The following ATP8B2 variants were observed in gnomAD, a reference collection of about 807,000 sequenced individuals.
The protein encoded by ATP8B2 is phospholipid-transporting ATPase ID.
Under a neutral mutation model 133.4 loss-of-function variants are expected in ATP8B2, and 70 were observed. The ratio of observed to expected loss-of-function variants is 0.52; its 90% CI spans 0.43 to 0.64. The LOEUF is 0.64. Ranked by LOEUF, ATP8B2 falls within the 30% of genes least tolerant of loss-of-function variation. The pLI is 0.00. For missense variants in ATP8B2, 1,101 were observed against 1,535.7 expected, an observed-to-expected ratio of 0.72 and a Z score of 4.73; for synonymous variants, 517 against 589.5, an observed-to-expected ratio of 0.88 and a Z score of 1.78.
intron 26 of ATP8B2, among the ~76,000 whole-genome samples, chr1:154,347,550 G>A (rs1004696875): frequency 6.6e-6 from 1 of 152,134 alleles, no homozygotes; most frequent in African/African-American, 2.4e-5. Context: ...GGCAAGGGTG[G>A]AAATGGGAGA....
At position 154,346,676 on chromosome 1, in the gene ATP8B2, C is replaced by G. The variant is rs1686595669; in HGVS notation, c.3081C>G (p.Ser1027Arg). 3 of 1,614,186 alleles carry G rather than the reference C, an allele frequency of 1.9e-6. No homozygotes were observed. The highest frequency in any genetic ancestry group is 2.5e-6 in the Non-Finnish European group (3 of 1,180,030). Reference protein sequence around the residue: ...TAINHFFIWGSLAVYFAILFA... With the variant: ...TAINHFFIWGRLAVYFAILFA... The stretch of plus-strand genomic sequence containing the variant: ...TCAACCACTTCTTCATCTGGGGAAG[C>G]CTTGCTGTTTACTTTGCCATCCTCT... Residue 1027 changes from serine (S) to arginine (R), a missense_variant, in exon 26 of 28, where the codon AGC becomes AGG. Transcript: ENST00000368489. The surrounding 1 kb of genome is among the most constrained non-coding windows in gnomAD (Gnocchi z 4.5).
At chr1:154,341,345 T>A in intron 13 of ATP8B2, 1 of 456,216 alleles carries the variant, frequency 2.2e-6, no homozygotes, top group Non-Finnish European at 4.1e-6. Flanking sequence ...ATTAGCCAGG[T>A]ATGGTGGCAT....
At chr1:154,337,313 T>C (rs780815950) in intron 11 of ATP8B2, 35 bp from the exon 12 acceptor site, 5 of 1,588,366 alleles carry the variant, frequency 3.1e-6, no homozygotes, top group Non-Finnish European at 4.3e-6. Flanking sequence ...GCTTCCTACA[T>C]GTCAGCCTCG....
intron 1 of ATP8B2, chr1:154,327,764 C>T: frequency 6.3e-7 from 1 of 1,596,630 alleles, no homozygotes; most frequent in Non-Finnish European, 8.6e-7. Context: ...CTACTCATTG[C>T]CGCCAGAACA....
intron 1 of ATP8B2, chr1:154,327,738 C>T (rs1302103828): frequency 1.3e-6 from 2 of 1,531,742 alleles, no homozygotes; most frequent in African/African-American, 2.7e-5. Flanking sequence ...AAACTGCTTT[C>T]TAGTAAGCAC....
chr1:154,330,335 A>G (rs910568007), intron 2 of ATP8B2, 61 bp from the exon 3 acceptor site: 1 of 1,479,770 alleles, frequency 6.8e-7, no homozygotes, highest in South Asian at 1.1e-5. Context: ...GGAACCCCCC[A>G]GCAAAGTGTT....
In ATP8B2 at chr1:154,340,984, ATCT is replaced by A; in HGVS notation, c.1169_1171del (p.Phe390del). The A allele has an allele frequency of 6.2e-7, 1 of 1,614,194 alleles. No homozygotes were observed. Among genetic ancestry groups the A allele is most frequent in the Non-Finnish European group, 8.5e-7 (1 of 1,180,040 alleles). On this transcript the variant is annotated inframe_deletion, in exon 13 of 28. Coordinates refer to ENST00000368489, the MANE Select transcript of ATP8B2 (RefSeq NM_001370597.1). The surrounding 1 kb of genome is among the most constrained non-coding windows in gnomAD (Gnocchi z 4.0). ...CGAGGAGCTGGGCCAGGTGGAGTAC[ATCT>A]TCTCCGACAAGACGGGCACCCTCAC... is the stretch of plus-strand genomic sequence containing the variant.
At chr1:154,335,677 C>A (rs979641152) in intron 11 of ATP8B2, among the ~76,000 whole-genome samples, 2 of 150,716 alleles carry the variant, frequency 1.3e-5, no homozygotes, top group African/African-American at 4.9e-5. Flanking sequence ...GGCAACAAAG[C>A]AAGACCCTGT....
At chr1:154,336,730 C>G (rs1241662615) in intron 11 of ATP8B2, among the ~76,000 whole-genome samples, 2 of 151,302 alleles carry the variant, frequency 1.3e-5, no homozygotes, top group Non-Finnish European at 2.9e-5. Flanking sequence ...CTCCTGACCT[C>G]ATGATCTGCC....
chr1:154,326,322 T>A (rs1685788580), intron 1 of ATP8B2, among the ~76,000 whole-genome samples: 1 of 152,076 alleles, frequency 6.6e-6, no homozygotes, highest in Non-Finnish European at 1.5e-5. Context: ...CTGAAAGAAG[T>A]GGCCAGCCTT....
rs768423229 is a variant in ATP8B2, at chr1:154,330,946, G to A, written c.204+18G>A. 11 of 1,609,484 alleles carry A rather than the reference G, an allele frequency of 6.8e-6. No homozygotes were observed. Among genetic ancestry groups the A allele is most frequent in the Non-Finnish European group, 6.8e-6 (8 of 1,175,960 alleles). On this transcript the variant is annotated intron_variant, in intron 4 of 27. Coordinates refer to ENST00000368489, the MANE Select transcript of ATP8B2 (RefSeq NM_001370597.1). ...TTCTGCAGGTAGGTGACCCATAGTAGATTTTTTGCAGCTCCCCAAACTGAA... is the reference window on the plus strand; with the variant it reads ...TTCTGCAGGTAGGTGACCCATAGTAAATTTTTTGCAGCTCCCCAAACTGAA...
intron 13 of ATP8B2, chr1:154,341,271 G>A (rs1217868922): frequency 1.6e-6 from 1 of 633,352 alleles, no homozygotes; most frequent in Non-Finnish European, 2.8e-6. Context: ...GATTGCTCGA[G>A]CCCAGGAATG....
In ATP8B2 at chr1:154,345,296, C is replaced by G. The variant is rs571604934; in HGVS notation, c.2471-26C>G. The G allele has an allele frequency of 3.7e-6, 6 of 1,612,358 alleles. No homozygotes were observed. The East Asian group carries it at 1.3e-4, about 36-fold the overall frequency. On this transcript the variant is annotated intron_variant, in intron 22 of 27. Coordinates refer to ENST00000368489, the MANE Select transcript of ATP8B2 (RefSeq NM_001370597.1). This position sits in a 1 kb window ranked among gnomAD's most constrained non-coding sequence, Gnocchi z 5.6. ...GTGTGTGGCCGGTGGCCATCTTCAC[C>G]CTCTTGTCATCTCTTGTCTCTGCAG...
Position 154,349,186 on chromosome 1 carries a change from G to C in ATP8B2, c.*68G>C. The stretch of plus-strand genomic sequence containing the variant: ...GGGCTGGCCAGTCACTGAGGGAACA[G>C]CGTCTCGGAACTGCTGGTCCTCATT... On this transcript the variant is annotated 3_prime_UTR_variant, in exon 28 of 28. Coordinates refer to ENST00000368489, the MANE Select transcript of ATP8B2 (RefSeq NM_001370597.1). The C allele has an allele frequency of 6.4e-7, 1 of 1,551,768 alleles. No homozygotes were observed. Among genetic ancestry groups the C allele is most frequent in the Non-Finnish European group, 8.7e-7 (1 of 1,144,096 alleles).
intron 11 of ATP8B2, 150 bp from the exon 12 acceptor site, chr1:154,337,198 C>A (rs1238473560): frequency 1.3e-6 from 1 of 759,108 alleles, no homozygotes; most frequent in African/African-American, 1.8e-5. Context: ...CTGTGTTGGG[C>A]CACATGTGGC....
Position 154,345,990 on chromosome 1 carries a change from G to A in ATP8B2, c.2778+107G>A. 2 of 1,202,304 alleles carry A rather than the reference G, an allele frequency of 1.7e-6. No homozygotes were observed. Among genetic ancestry groups the A allele is most frequent in the Middle Eastern group, 2.4e-4 (1 of 4,242 alleles). 74.5% of individuals were successfully genotyped at this position (1,202,304 alleles called of 1,614,324 possible). A position where few individuals can be genotyped will look rare whatever the true frequency, so the allele number is the denominator to read the frequency against. On this transcript the variant is annotated intron_variant, in intron 24 of 27. Transcript: ENST00000368489. The surrounding 1 kb of genome is among the most constrained non-coding windows in gnomAD (Gnocchi z 5.6). ...TGTGCCCATTTCCTGTGGCCACTGGGAAGGCAGTTCTTTCAGCCGGGGAAG... is the reference window on the plus strand; with the variant it reads ...TGTGCCCATTTCCTGTGGCCACTGGAAAGGCAGTTCTTTCAGCCGGGGAAG...
chr1:154,331,335 G>C lies in ATP8B2; in HGVS notation c.304-109G>C. 1 of 1,260,602 alleles carries C rather than the reference G, an allele frequency of 7.9e-7. No individual in the cohort carries two copies. Among genetic ancestry groups the C allele is most frequent in the Non-Finnish European group, 1.1e-6 (1 of 870,734 alleles). The allele number at this position is 1,260,602 out of a possible 1,614,324, so 78.1% of individuals were successfully genotyped here. On this transcript the variant is annotated intron_variant, in intron 5 of 27. Transcript: ENST00000368489. This position sits in a 1 kb window ranked among gnomAD's most constrained non-coding sequence, Gnocchi z 4.8. Reference sequence around the variant, plus strand: ...AGGGAATCAGGGAGTGAACTGGTTTGTGATGGGGTGTGTATGAGGCGTTAA... The same window carrying C: ...AGGGAATCAGGGAGTGAACTGGTTTCTGATGGGGTGTGTATGAGGCGTTAA...
chr1:154,348,726 T>C, intron 27 of ATP8B2, 114 bp from the exon 28 acceptor site: 6 of 1,386,436 alleles, frequency 4.3e-6, no homozygotes, highest in Non-Finnish European at 4.7e-6. Flanking sequence ...TCCCAGGTGC[T>C]GTGGGTCGGA....
Position 154,328,087 on chromosome 1 carries a change from G to A in ATP8B2, c.-37-18G>A, listed in dbSNP as rs776396308. 4 of 1,613,156 alleles carry A rather than the reference G, an allele frequency of 2.5e-6. No individual in the cohort carries two copies. Among genetic ancestry groups the A allele is most frequent in the African/African-American group, 1.3e-5 (1 of 75,022 alleles). On this transcript the variant is annotated intron_variant, in intron 1 of 27. Transcript: ENST00000368489. The surrounding 1 kb of genome is among the most constrained non-coding windows in gnomAD (Gnocchi z 4.6). ...TATCCTCAGCTTCCTGACCTCATTC[G>A]TCTGTCACTTCTTGCAGGGTCTCCC... is the stretch of plus-strand genomic sequence containing the variant.
Sources: gnomAD v4.1 joint callset for allele counts (sites outside exome capture counted in the v4.1 genomes callset) on GRCh38, gnomAD v4.1.1 for gene constraint, Gnocchi (gnomAD v3.1) non-coding constraint, MANE v1.5 for transcripts, NCBI Gene and HGNC (gene_info 2026-07-23, HGNC 2026-07-21) for gene names.